TAF15: variants seen among roughly 807,000 people sequenced by gnomAD.
TAF15 encodes TATA-box binding protein associated factor 15.
A neutral mutation model predicts 102.5 loss-of-function variants in TAF15; 37 were observed. The ratio of observed to expected loss-of-function variants is 0.36; its 90% CI spans 0.28 to 0.47. TAF15 has a LOEUF of 0.47. Ranked by LOEUF, TAF15 falls within the 20% of genes least tolerant of loss-of-function variation. The pLI is 0.99. For synonymous variants in TAF15, 273 were observed against 259.2 expected (o/e 1.05, Z -0.51); for missense variants, 652 against 760.7 (o/e 0.86, Z 1.68).
chr17:35,837,693 G>A (rs1239877917), intron 10 of TAF15, among the ~76,000 whole-genome samples: 2 of 152,028 alleles, frequency 1.3e-5, no homozygotes, highest in African/African-American at 4.8e-5. Context: ...TGGGCGTGGT[G>A]GCATGCGCCT....
chr17:35,830,794 G>A (rs550446255), intron 7 of TAF15, among the ~76,000 whole-genome samples: 1 of 152,276 alleles, frequency 6.6e-6, no homozygotes, highest in Admixed American at 6.5e-5. Flanking sequence ...CTTATTAAAT[G>A]CAGGTTCTTA....
chr17:35,809,771 A>C (rs1394039493), intron 1 of TAF15, 195 bp downstream of exon 1: 2 of 719,824 alleles, frequency 2.8e-6, no homozygotes, highest in Non-Finnish European at 4.6e-6. Flanking sequence ...GCTGCAAATC[A>C]CGGCGGGAGC....
intron 11 of TAF15, among the ~76,000 whole-genome samples, chr17:35,841,629 CCTG>C (rs1394112780): frequency 6.6e-6 from 1 of 151,914 alleles, no homozygotes; most frequent in Non-Finnish European, 1.5e-5. Flanking sequence ...GTCCCAAACT[CCTG>C]AGCCCCAAGC....
intron 6 of TAF15, 63 bp downstream of exon 6, chr17:35,822,896 G>A (rs1478675450): frequency 5.0e-6 from 8 of 1,589,014 alleles, no homozygotes; most frequent in Non-Finnish European, 6.9e-6. Flanking sequence ...ATGAATTTCT[G>A]ATTAAAAGAA....
chr17:35,844,967 CGGCTATGGAGGAGACCGAGGTGGG>C lies in TAF15; in HGVS notation c.1674_1697del (p.Gly565_Gly572del), dbSNP rs759467337. On this transcript the variant is annotated inframe_deletion, in exon 15 of 16. Coordinates refer to ENST00000605844, the MANE Select transcript of TAF15 (RefSeq NM_139215.3). ...GCTATGGAGGAGACAGGAGTGGTGG[CGGCTATGGAGGAGACCGAGGTGGG>C]GGCTACGGAGGAGACCGAGGTGGCT... 135 of 1,607,646 alleles carry C rather than the reference CGGCTATGGAGGAGACCGAGGTGGG, an allele frequency of 8.4e-5. No individual in the cohort carries two copies. The highest frequency in any genetic ancestry group is 3.4e-4 in the African/African-American group (25 of 73,044).
chr17:35,818,031 C>G (rs2087215056), intron 2 of TAF15, among the ~76,000 whole-genome samples: 2 of 152,118 alleles, frequency 1.3e-5, no homozygotes, highest in African/African-American at 4.8e-5. Flanking sequence ...AAGCGATCCT[C>G]CTGCCTCAGT....
chr17:35,832,931 C>T (rs1280392381), intron 7 of TAF15, among the ~76,000 whole-genome samples: 6 of 151,896 alleles, frequency 4.0e-5, no homozygotes, highest in East Asian at 1.9e-4. Context: ...CTGAGGTGGG[C>T]GGATTATTTG....
rs181555232 is a variant in TAF15 at position 35,825,338 on chromosome 17, A to G, written c.605+1140A>G. ...TACCAAAGTAAAACAAATAAATTCT[A>G]TGCTTCTTCATTGTCAAAGAGCAGT... On this transcript the variant is annotated intron_variant, in intron 7 of 15. Coordinates refer to ENST00000605844, the MANE Select transcript of TAF15 (RefSeq NM_139215.3). 3.9e-5 allele frequency among the ~76,000 whole-genome samples: 6 copies of G among 152,342 alleles called. No individual in the cohort carries two copies. The East Asian group carries it at 1.2e-3, about 29-fold the overall frequency.
chr17:35,833,833 G>A, intron 7 of TAF15, 74 bp from the exon 8 acceptor site: 5 of 1,487,718 alleles, frequency 3.4e-6, no homozygotes, highest in Non-Finnish European at 3.8e-6. Flanking sequence ...TGACAGTTAA[G>A]TGTAGATTGA....
chr17:35,813,117 C>CAAAAAAA (rs55754009), intron 1 of TAF15, among the ~76,000 whole-genome samples: 2 of 58,882 alleles, frequency 3.4e-5, no homozygotes, highest in South Asian at 6.8e-4. Flanking sequence ...GACTCTGTCT[C>CAAAAAAA]AAAAAAAAAA....
In TAF15 at chr17:35,842,393, A is replaced by G; in HGVS notation, c.940A>G (p.Lys314Glu). 6.2e-7 allele frequency: 1 copy of G among 1,614,124 alleles called. No homozygotes were observed. Among genetic ancestry groups the G allele is most frequent in the Non-Finnish European group, 8.5e-7 (1 of 1,179,960 alleles). The part of the protein sequence containing the change: ...DGKEFHGNII[K>E]VSFATRRPEF... ...AAAAGAATTCCATGGCAACATCATT[A>G]AAGTGTCCTTTGCCACTAGAAGACC... The change falls in exon 12 of 16, where the codon AAA becomes GAA. Residue 314 changes from lysine (K) to glutamate (E), a missense_variant. By Grantham distance (56) the Lys-to-Glu change is moderately conservative (BLOSUM62 1). Coordinates refer to ENST00000605844, the MANE Select transcript of TAF15 (RefSeq NM_139215.3).
chr17:35,821,569 A>G (rs2087257939), intron 5 of TAF15, among the ~76,000 whole-genome samples: 1 of 152,212 alleles, frequency 6.6e-6, no homozygotes, highest in East Asian at 1.9e-4. Context: ...AATGTAAACT[A>G]TTAAGTTATG....
In TAF15 at chr17:35,822,747, C is replaced by G; in HGVS notation, c.398C>G (p.Ser133Ter). 1 of 1,614,156 alleles carries G rather than the reference C, an allele frequency of 6.2e-7. No individual in the cohort carries two copies. Among genetic ancestry groups the G allele is most frequent in the Non-Finnish European group, 8.5e-7 (1 of 1,180,034 alleles). ...CATCAAGGCTCATATGATGAGCAGT[C>G]AAATTATGATCAGCAGCATGATTCC... ...DQHQGSYDEQ[S>*]NYDQQHDSYS... The change falls in exon 6 of 16, where the codon TCA becomes TGA. Residue 133 changes from serine to a stop codon, truncating the protein, a stop_gained. Transcript: ENST00000605844. LOFTEE classifies it high-confidence loss of function.
intron 7 of TAF15, among the ~76,000 whole-genome samples, chr17:35,826,185 T>C (rs2087323277): frequency 6.6e-6 from 1 of 152,122 alleles, no homozygotes; most frequent in African/African-American, 2.4e-5. Flanking sequence ...TACCCCTTAA[T>C]ACAAAATCAT....
chr17:35,818,837 A>C (rs2087225146), intron 2 of TAF15: 1 of 152,072 alleles, frequency 6.6e-6, no homozygotes, highest in Admixed American at 6.6e-5. Flanking sequence ...AAGTTTAAGC[A>C]ATTGAACTCA....
chr17:35,816,043 C>T (rs1216635974), intron 1 of TAF15, among the ~76,000 whole-genome samples: 2 of 152,130 alleles, frequency 1.3e-5, no homozygotes, highest in Non-Finnish European at 2.9e-5. Flanking sequence ...CCCACTGCAG[C>T]CTCGACCTCC....
chr17:35,839,491 C>T (rs1378777922), intron 11 of TAF15, among the ~76,000 whole-genome samples: 1 of 147,618 alleles, frequency 6.8e-6, no homozygotes, highest in African/African-American at 2.5e-5. Context: ...ACACCATTCT[C>T]CTGCCTCAGC....
chr17:35,830,525 A>G (rs1598536181), intron 7 of TAF15, among the ~76,000 whole-genome samples: 1 of 152,250 alleles, frequency 6.6e-6, no homozygotes, highest in Non-Finnish European at 1.5e-5. Context: ...GACTTGTAAC[A>G]TTAATGCAGA....
intron 11 of TAF15, 53 bp from the exon 12 acceptor site, chr17:35,842,314 A>T: frequency 7.4e-7 from 1 of 1,359,440 alleles, no homozygotes; most frequent in East Asian, 2.3e-5. Flanking sequence ...ATTTTTGTTG[A>T]CAGGTGGAGG....
Sources: gnomAD v4.1 joint callset for allele counts (sites outside exome capture counted in the v4.1 genomes callset) on GRCh38, gnomAD v4.1.1 for gene constraint, MANE v1.5 for transcripts, NCBI Gene and HGNC (gene_info 2026-07-23, HGNC 2026-07-21) for gene names.